Variants in CERS5 observed in about 807,000 individuals in gnomAD.
CERS5 encodes ceramide synthase 5.
In CERS5, 37 loss-of-function variants were observed where a neutral mutation model predicts 58.9. The ratio of observed to expected loss-of-function variants is 0.63; its 90% confidence interval spans 0.48 to 0.83. The LOEUF (loss-of-function observed/expected upper bound fraction) is 0.83. Ranked by LOEUF, CERS5 falls within the 40% of genes least tolerant of loss-of-function variation. The pLI is 0.00. For synonymous variants in CERS5, 147 were observed against 177.8 expected, an observed-to-expected ratio of 0.83 and a Z score of 1.38; for missense variants, 398 against 489.3, an observed-to-expected ratio of 0.81 and a Z score of 1.76.
At chr12:50,161,003 A>G (rs572485583) in intron 1 of CERS5, among the ~76,000 whole-genome samples, 2 of 152,346 alleles carry the variant, frequency 1.3e-5, no homozygotes, top group South Asian at 4.1e-4. Context: ...CTTAAGCCAA[A>G]TATCTATTTC....
intron 9 of CERS5, chr12:50,133,873 AC>A: frequency 2.1e-6 from 1 of 487,434 alleles, no homozygotes; most frequent in Non-Finnish European, 2.7e-6. Flanking sequence ...GGAGTTAGAG[AC>A]CAGCCTGGCC....
chr12:50,143,932 CTGTT>C lies in CERS5; in HGVS notation c.303+16_303+19del, dbSNP rs1453551297. On this transcript the variant is annotated intron_variant, in intron 2 of 9. Coordinates refer to ENST00000317551, the MANE Select transcript of CERS5 (RefSeq NM_147190.5). Reference sequence around the variant, plus strand: ...CAACGCCTTATGTGAATATTCCTCTCTGTTTCTTTGCCCACTTACCTTGGTAATA... The same window carrying C: ...CAACGCCTTATGTGAATATTCCTCTCTCTTTGCCCACTTACCTTGGTAATA... 7.0e-7 allele frequency: 1 copy of C among 1,434,140 alleles called. No homozygotes were observed. The highest frequency in any genetic ancestry group is 9.8e-7 in the Non-Finnish European group (1 of 1,016,690). 88.8% of individuals were successfully genotyped at this position (1,434,140 alleles called of 1,614,324 possible). A position where few individuals can be genotyped will look rare whatever the true frequency, so the allele number is the denominator to read the frequency against.
rs763441624 is a variant in CERS5, at chr12:50,135,741, T to C, written c.863A>G (p.Tyr288Cys). 7.5e-6 allele frequency: 12 copies of C among 1,609,806 alleles called. No individual in the cohort carries two copies. The highest frequency in any genetic ancestry group is 1.0e-5 in the Non-Finnish European group (12 of 1,176,080). The change falls in exon 8 of 10, where the codon TAT becomes TGT. Residue 288 changes from tyrosine (Y) to cysteine (C), a missense_variant. Coordinates refer to ENST00000317551, the MANE Select transcript of CERS5 (RefSeq NM_147190.5). ...AVFMVTRLGI[Y>C]PFWILNTTLF... is the part of the protein sequence containing the mutation. ...CAGCCCTACCACTTACCAGAATGGA[T>C]AGATTCCTAGTCGTGTAACCATAAA...
intron 1 of CERS5, among the ~76,000 whole-genome samples, chr12:50,155,641 G>A (rs1938484850): frequency 6.7e-6 from 1 of 149,284 alleles, no homozygotes; most frequent in Admixed American, 6.9e-5. Context: ...GGAGGCTGAG[G>A]CAGGAGAATG....
At chr12:50,138,421 C>A (rs1296855436) in intron 5 of CERS5, 146 bp downstream of exon 5, 5 of 691,810 alleles carry the variant, frequency 7.2e-6, no homozygotes, top group Non-Finnish European at 1.0e-5. Context: ...AAAATAGATA[C>A]CCTGAATATG....
intron 1 of CERS5, among the ~76,000 whole-genome samples, chr12:50,160,563 G>A (rs565430298): frequency 1.1e-4 from 16 of 152,110 alleles, no homozygotes; most frequent in African/African-American, 3.1e-4. Context: ...TGTATAATTC[G>A]CCAAATTACT....
chr12:50,166,989 C>G, intron 1 of CERS5, 112 bp downstream of exon 1: 1 of 902,684 alleles, frequency 1.1e-6, no homozygotes, highest in Non-Finnish European at 1.6e-6. Flanking sequence ...GCTCCCCCAG[C>G]CCCTGCTTCC....
chr12:50,138,710 C>T, intron 4 of CERS5, 93 bp from the exon 5 acceptor site: 1 of 1,104,662 alleles, frequency 9.1e-7, no homozygotes, highest in Non-Finnish European at 1.4e-6. Context: ...TAGGCTGGGG[C>T]AAAAGAGGAC....
At position 50,134,833 on chromosome 12, in the gene CERS5, C is replaced by T. The variant is rs1022842275; in HGVS notation, c.873-131G>A. 13 of 749,138 alleles carry T rather than the reference C, an allele frequency of 1.7e-5. 1 individual carries two copies. Among genetic ancestry groups the T allele is most frequent in the Middle Eastern group, 3.8e-4 (1 of 2,598 alleles). The allele number at this position is 749,138 out of a possible 1,614,324, so 46.4% of individuals were successfully genotyped here. On this transcript the variant is annotated intron_variant, in intron 8 of 9. Coordinates refer to ENST00000317551, the MANE Select transcript of CERS5 (RefSeq NM_147190.5). ...TTTTATCAGCTGAAGTTCCAGGGAC[C>T]GTCATCCACAGTAAGAAAATAAAGA...
intron 1 of CERS5, among the ~76,000 whole-genome samples, chr12:50,152,337 A>T (rs564465589): frequency 6.6e-6 from 1 of 152,370 alleles, no homozygotes; most frequent in African/African-American, 2.4e-5. Flanking sequence ...TATACTGTAG[A>T]GCTAGGTCTT....
intron 4 of CERS5, among the ~76,000 whole-genome samples, chr12:50,138,851 C>T (rs866455590): frequency 2.6e-5 from 4 of 152,102 alleles, no homozygotes; most frequent in Non-Finnish European, 5.9e-5. Flanking sequence ...GAGCTTTAGG[C>T]TAGTTTTAGG....
At chr12:50,133,128 C>T in intron 9 of CERS5, 1 of 1,265,498 alleles carries the variant, frequency 7.9e-7, no homozygotes. Context: ...GATGCACAGG[C>T]ACACTGAGCA....
chr12:50,163,018 C>A (rs181305643), intron 1 of CERS5, among the ~76,000 whole-genome samples: 148 of 152,264 alleles, frequency 9.7e-4, no homozygotes, highest in South Asian at 1.7e-3. Context: ...CCTGCATCAG[C>A]CTCCTGAGTA....
chr12:50,140,424 T>C (rs1592358977), intron 4 of CERS5, among the ~76,000 whole-genome samples: 2 of 151,530 alleles, frequency 1.3e-5, no homozygotes, highest in South Asian at 4.2e-4. Context: ...GTTGGGATTA[T>C]AGGCACGTGC....
chr12:50,135,809 A>G lies in CERS5; in HGVS notation c.795T>C (p.Tyr265=), dbSNP rs1951664018. Residue 265 remains tyrosine (Y), a synonymous_variant, in exon 8 of 10, where the codon TAT becomes TAC. Transcript: ENST00000317551. ...CAAAAAGGGTGTCACAGAGCCGCTG[A>G]TACTTGGCATAATTGGCCAGTTTGG... ...EAAKLANYAK[Y]QRLCDTLFVI... is the part of the protein sequence containing the mutation. The G allele has an allele frequency of 6.2e-7, 1 of 1,614,126 alleles. No homozygotes were observed. Among genetic ancestry groups the G allele is most frequent in the African/African-American group, 1.3e-5 (1 of 75,048 alleles).
At position 50,130,644 on chromosome 12, in the gene CERS5, A is replaced by G. The variant is rs1045013441; in HGVS notation, c.1080T>C (p.Asp360=). ...SDVESSSEEE[D]VTTCTKSPCD... Reference sequence around the variant, plus strand: ...AGGGACTTTTTGTGCAGGTGGTCACATCTTCTTCCTCTGAGCTGCTCTCCA... The same window carrying G: ...AGGGACTTTTTGTGCAGGTGGTCACGTCTTCTTCCTCTGAGCTGCTCTCCA... Residue 360 remains aspartate (D), a synonymous_variant, in exon 10 of 10, where the codon GAT becomes GAC. Transcript: ENST00000317551. The G allele has an allele frequency of 5.6e-6, 9 of 1,612,258 alleles. No homozygotes were observed. The Admixed American group carries it at 6.7e-5, about 12-fold the overall frequency.
rs761503744 is a variant in CERS5, at chr12:50,166,832, A to AC, written c.197+268dup. Among the ~76,000 whole-genome samples the AC allele has an allele frequency of 1.1e-4, 17 of 150,224 alleles. No individual in the cohort carries two copies. The East Asian group carries it at 2.0e-3, about 17-fold the overall frequency. On this transcript the variant is annotated intron_variant, in intron 1 of 9. Coordinates refer to ENST00000317551, the MANE Select transcript of CERS5 (RefSeq NM_147190.5). ...TGGAGGTTGGGAGGAGGCCTATATG[A>AC]CCCCCCCAATCCAACTCCGGATCTA...
In CERS5 at chr12:50,142,085, T is replaced by C. The variant is rs1198965078; in HGVS notation, c.460A>G (p.Ile154Val). ...AGAAATCTAATTCCATAGCAGAATATACATAAATAAAATGTGAATCTCCAC... is the reference window on the plus strand; with the variant it reads ...AGAAATCTAATTCCATAGCAGAATACACATAAATAAAATGTGAATCTCCAC... ...SMWRFTFYLC[I>V]FCYGIRFLWS... The change falls in exon 4 of 10, where the codon ATA becomes GTA. Residue 154 changes from isoleucine to valine, a missense_variant. By Grantham distance (29) the Ile-to-Val change is conservative (BLOSUM62 3). Transcript: ENST00000317551. 8 of 1,606,188 alleles carry C rather than the reference T, an allele frequency of 5.0e-6. No individual in the cohort carries two copies. Among genetic ancestry groups the C allele is most frequent in the Non-Finnish European group, 6.0e-6 (7 of 1,173,726 alleles).
rs765768820 is a variant in CERS5, at chr12:50,134,577, C to T, written c.998G>A (p.Arg333Gln). The T allele has an allele frequency of 9.3e-6, 15 of 1,614,090 alleles. No individual in the cohort carries two copies. The highest frequency in any genetic ancestry group is 4.5e-5 in the East Asian group (2 of 44,882). Reference sequence around the variant, plus strand: ...CCTGATCAAGGCTTTCAAAGCAATCCGTGCAATTAGGTAGGACCAGATGAC... The same window carrying T: ...CCTGATCAAGGCTTTCAAAGCAATCTGTGCAATTAGGTAGGACCAGATGAC... ...LHVIWSYLIA[R>Q]IALKALIRGK... The change falls in exon 9 of 10, where the codon CGG (arginine) becomes CAG (glutamine). Residue 333 changes from arginine to glutamine, a missense_variant. By Grantham distance (43) the Arg-to-Gln change is conservative. Transcript: ENST00000317551.
Sources: allele counts gnomAD v4.1 joint callset (sites outside exome capture counted in the v4.1 genomes callset), GRCh38; gene constraint gnomAD v4.1.1; transcripts MANE v1.5; gene names NCBI Gene and HGNC (gene_info 2026-07-23, HGNC 2026-07-21).